Variants in COL19A1 observed in about 807,000 individuals in gnomAD.
The protein encoded by COL19A1 is collagen alpha-1(XIX) chain.
Under a neutral mutation model 190.2 loss-of-function variants are expected in COL19A1, and 159 were observed. That is an observed-to-expected ratio of 0.84 (90% CI 0.73 to 0.95). The LOEUF (loss-of-function observed/expected upper bound fraction) is 0.95, where lower values mean the gene tolerates loss of function less well. Among genes scored for constraint, COL19A1 ranks in the 40% least tolerant of loss-of-function variants. The probability of loss-of-function intolerance (pLI) is 0.00; values close to 1 mark genes in which losing one functional copy is unlikely to be tolerated. For synonymous variants in COL19A1, 509 were observed against 458.9 expected (o/e 1.11, Z -1.39); for missense variants, 1,418 against 1,431.9 (o/e 0.99, Z 0.16).
chr6:69,976,583 TTTGA>T lies in COL19A1; in HGVS notation c.1026+13716_1026+13719del, dbSNP rs150596477. 8.8e-3 allele frequency among the ~76,000 whole-genome samples: 1,328 copies of T among 150,072 alleles called. 10 individuals carry two copies. The highest frequency in any genetic ancestry group is 0.031 in the African/African-American group (1,244 of 40,730). On this transcript the variant is annotated intron_variant, in intron 11 of 50. Transcript: ENST00000620364. Reference sequence around the variant, plus strand: ...ACGCTCCCTAGGAGAAGGAGGGGAGTTTGATTAAGATTCTTTAGTGAGTCCTGAA... The same window carrying T: ...ACGCTCCCTAGGAGAAGGAGGGGAGTTTAAGATTCTTTAGTGAGTCCTGAA...
At position 69,997,026 on chromosome 6, in the gene COL19A1, T is replaced by TATATAGAGAG. The variant is rs576813975; in HGVS notation, c.1027-26600_1027-26599insTATAGAGAGA. Among the ~76,000 whole-genome samples the TATATAGAGAG allele has an allele frequency of 1.2e-3, 179 of 146,968 alleles. 1 individual carries two copies. Among genetic ancestry groups the TATATAGAGAG allele is most frequent in the African/African-American group, 4.4e-3 (168 of 38,056 alleles). On this transcript the variant is annotated intron_variant, in intron 11 of 50. Coordinates refer to ENST00000620364, the MANE Select transcript of COL19A1 (RefSeq NM_001858.6). ...GTGTTTATATATACATATATATATA[T>TATATAGAGAG]AGAGAGAGAGAGAGAGAGAGAGAAA...
intron 15 of COL19A1, among the ~76,000 whole-genome samples, chr6:70,100,940 G>C (rs1783589823): frequency 6.6e-6 from 1 of 152,050 alleles, no homozygotes; most frequent in Non-Finnish European, 1.5e-5. Flanking sequence ...CATTGTATTT[G>C]CTTGTTTATC....
chr6:69,936,959 G>C (rs34179513), intron 8 of COL19A1, 49 bp downstream of exon 8: 1 of 1,595,220 alleles, frequency 6.3e-7, no homozygotes, highest in African/African-American at 1.3e-5. Flanking sequence ...CAGACTATGA[G>C]CCCAGCTCCT....
intron 16 of COL19A1, among the ~76,000 whole-genome samples, chr6:70,107,128 A>G (rs1289678393): frequency 6.6e-6 from 1 of 152,238 alleles, no homozygotes; most frequent in African/African-American, 2.4e-5. Context: ...CAAGCAGTGA[A>G]GACAGAACTG....
At chr6:70,079,390 G>A (rs555382402) in intron 15 of COL19A1, among the ~76,000 whole-genome samples, 161 of 152,298 alleles carry the variant, frequency 1.1e-3, no homozygotes, top group African/African-American at 3.6e-3. Context: ...TTTACTGTTA[G>A]CAAGTCATCA....
Position 70,149,834 on chromosome 6 carries a change from T to C in COL19A1, c.1930-17T>C, listed in dbSNP as rs1425950719. 1.9e-6 allele frequency: 3 copies of C among 1,613,580 alleles called. No homozygotes were observed. Among genetic ancestry groups the C allele is most frequent in the East Asian group, 2.2e-5 (1 of 44,838 alleles). On this transcript the variant is annotated splice_polypyrimidine_tract_variant and intron_variant, in intron 28 of 50. Coordinates refer to ENST00000620364, the MANE Select transcript of COL19A1 (RefSeq NM_001858.6). ...CCATCCTCATAAGTAACTGTTTTTA[T>C]TTCCCTCCTTTTCCAGGGTCCTCGA... is the stretch of plus-strand genomic sequence containing the variant.
intron 31 of COL19A1, among the ~76,000 whole-genome samples, chr6:70,152,951 C>T (rs1787166210): frequency 6.6e-6 from 1 of 152,100 alleles, no homozygotes; most frequent in Non-Finnish European, 1.5e-5. Context: ...GAAGTGGAAC[C>T]AGGGCTCTCA....
chr6:70,117,414 T>A (rs1784639993), intron 16 of COL19A1, among the ~76,000 whole-genome samples: 1 of 152,262 alleles, frequency 6.6e-6, no homozygotes, highest in Non-Finnish European at 1.5e-5. Flanking sequence ...ATTTTTACAC[T>A]ACGTGTCTGA....
At chr6:69,875,765 A>G (rs1768093913) in intron 1 of COL19A1, among the ~76,000 whole-genome samples, 2 of 152,194 alleles carry the variant, frequency 1.3e-5, no homozygotes, top group South Asian at 4.1e-4. Context: ...TAAGTTATAG[A>G]TATCTGTGTG....
intron 22 of COL19A1, among the ~76,000 whole-genome samples, 166 bp from the exon 23 acceptor site, chr6:70,142,599 TCA>T (rs1449613036): frequency 1.3e-5 from 2 of 152,152 alleles, no homozygotes; most frequent in Non-Finnish European, 2.9e-5. Context: ...ATCTTGGTAA[TCA>T]CAAAGCACAT....
intron 37 of COL19A1, among the ~76,000 whole-genome samples, chr6:70,166,680 C>T (rs1330190583): frequency 6.6e-6 from 1 of 152,126 alleles, no homozygotes; most frequent in Non-Finnish European, 1.5e-5. Flanking sequence ...CAGAATTGAC[C>T]GTGACTTTCC....
chr6:70,017,013 C>T (rs1042433034), intron 11 of COL19A1, among the ~76,000 whole-genome samples: 1 of 151,816 alleles, frequency 6.6e-6, no homozygotes, highest in Non-Finnish European at 1.5e-5. Context: ...GGGTATTTAC[C>T]TAAGAAAAGT....
chr6:69,984,289 C>T (rs1776200226), intron 11 of COL19A1, among the ~76,000 whole-genome samples: 1 of 152,086 alleles, frequency 6.6e-6, no homozygotes, highest in Non-Finnish European at 1.5e-5. Context: ...CTTCTTCCAT[C>T]CCTGCCACTC....
Position 70,156,582 on chromosome 6 carries a change from C to T in COL19A1, c.2239-88C>T, listed in dbSNP as rs954503935. 8.6e-6 allele frequency: 12 copies of T among 1,400,152 alleles called. No individual in the cohort carries two copies. The African/African-American group carries it at 1.4e-4, about 17-fold the overall frequency. 86.7% of individuals were successfully genotyped at this position (1,400,152 alleles called of 1,614,324 possible). A position where few individuals can be genotyped will look rare whatever the true frequency, so the allele number is the denominator to read the frequency against. The stretch of plus-strand genomic sequence containing the variant: ...TCCCTGACCCTGTCCAAATTACATG[C>T]CCCAAGTGTTCTTAGAAGAGATTTT... On this transcript the variant is annotated intron_variant, in intron 33 of 50. Transcript: ENST00000620364.
At chr6:70,207,052 T>C (rs1767917735) in intron 50 of COL19A1, 74 bp downstream of exon 50, 4 of 1,603,116 alleles carry the variant, frequency 2.5e-6, no homozygotes, top group Non-Finnish European at 3.4e-6. Flanking sequence ...CTAGGGTCCT[T>C]ATATGTCAAG....
chr6:70,168,842 T>C (rs548987612), intron 40 of COL19A1, among the ~76,000 whole-genome samples, 161 bp downstream of exon 40: 79 of 152,346 alleles, frequency 5.2e-4, no homozygotes, highest in Non-Finnish European at 9.8e-4. Flanking sequence ...ATATGTTCTC[T>C]GTTTCTGAGA....
intron 15 of COL19A1, among the ~76,000 whole-genome samples, chr6:70,077,411 T>G (rs1029959953): frequency 6.6e-6 from 1 of 152,202 alleles, no homozygotes; most frequent in African/African-American, 2.4e-5. Context: ...AGAAATACCT[T>G]AGAAACTACT....
At chr6:70,059,800 G>A (rs1182399399) in intron 14 of COL19A1, 5 of 526,532 alleles carry the variant, frequency 9.5e-6, no homozygotes, top group Non-Finnish European at 1.9e-5. Flanking sequence ...TCAGAAAAGT[G>A]ATAAATCTGT....
rs3072698 is a variant in COL19A1, at chr6:69,989,553, C to CTTT, written c.1026+26697_1026+26699dup. 6.3e-5 allele frequency among the ~76,000 whole-genome samples: 8 copies of CTTT among 126,350 alleles called. 1 individual carries two copies. Among genetic ancestry groups the CTTT allele is most frequent in the African/African-American group, 1.9e-4 (6 of 31,168 alleles). 82.9% of individuals were successfully genotyped at this position (126,350 alleles called of 152,430 possible). ...AAACTAACATAATGAGAGTTTTTTA[C>CTTT]TTTTTTTTTTTTTTTTGCTCATCAG... On this transcript the variant is annotated intron_variant, in intron 11 of 50. Coordinates refer to ENST00000620364, the MANE Select transcript of COL19A1 (RefSeq NM_001858.6).
Sources: allele counts gnomAD v4.1 joint callset (sites outside exome capture counted in the v4.1 genomes callset), GRCh38; gene constraint gnomAD v4.1.1; transcripts MANE v1.5; gene names NCBI Gene and HGNC (gene_info 2026-07-23, HGNC 2026-07-21).